Variants in MAP6 observed in about 807,000 individuals in gnomAD.
MAP6 encodes the protein microtubule associated protein 6.
MAP6 carries 26 observed loss-of-function variants against 42.4 expected under a neutral mutation model. The ratio of observed to expected loss-of-function variants is 0.61; its 90% confidence interval spans 0.45 to 0.85. The LOEUF is 0.85. Among genes scored for constraint, MAP6 ranks in the 40% least tolerant of loss-of-function variants. MAP6 has a pLI of 0.00. For missense variants in MAP6, 966 were observed against 1,099.0 expected, an observed-to-expected ratio of 0.88 and a Z score of 1.71; for synonymous variants, 418 against 443.8, an observed-to-expected ratio of 0.94 and a Z score of 0.73.
chr11:75,594,327 C>T (rs1234772227), intron 3 of MAP6: 2 of 152,348 alleles, frequency 1.3e-5, no homozygotes, highest in East Asian at 3.9e-4. Context: ...CTGCTGCCTC[C>T]ATGGGCCCCG....
Position 75,587,054 on chromosome 11 carries a change from G to T in MAP6, c.*5C>A. ...CTCCTTCATTGGTGTGTCAAGGGGT[G>T]AGTGTCAAGGGGAGCTCTCAATGTA... On this transcript the variant is annotated 3_prime_UTR_variant, in exon 4 of 4. Transcript: ENST00000304771. 6.4e-7 allele frequency: 1 copy of T among 1,569,786 alleles called. No homozygotes were observed. The highest frequency in any genetic ancestry group is 8.6e-7 in the Non-Finnish European group (1 of 1,157,176).
intron 1 of MAP6, chr11:75,642,610 C>A (rs1379206794): frequency 1.1e-5 from 2 of 185,286 alleles, no homozygotes; most frequent in Non-Finnish European, 2.3e-5. Context: ...ATGAAGAGAA[C>A]ATCCCATTCA....
chr11:75,636,714 C>A (rs1318271361), intron 1 of MAP6, among the ~76,000 whole-genome samples: 6 of 152,234 alleles, frequency 3.9e-5, no homozygotes, highest in Admixed American at 3.3e-4. Context: ...CTGTGGACAG[C>A]CCCTGTGCCC....
intron 1 of MAP6, among the ~76,000 whole-genome samples, chr11:75,647,645 T>C (rs557954552): frequency 2.0e-5 from 3 of 152,238 alleles, no homozygotes; most frequent in African/African-American, 7.2e-5. Context: ...AGAGACCTTT[T>C]TGAAGAATAT....
At chr11:75,604,333 G>A in intron 3 of MAP6, 1 of 985,670 alleles carries the variant, frequency 1.0e-6, no homozygotes, top group Non-Finnish European at 1.2e-6. Flanking sequence ...AGTTCGTGGA[G>A]GCTCCACTTC....
intron 3 of MAP6, among the ~76,000 whole-genome samples, 170 bp from the exon 4 acceptor site, chr11:75,588,354 G>A (rs928680285): frequency 1.3e-5 from 2 of 151,830 alleles, no homozygotes; most frequent in African/African-American, 4.8e-5. Flanking sequence ...GTGGGCGGGG[G>A]TGAGGGAGGG....
chr11:75,593,398 A>C (rs958580287), intron 3 of MAP6, among the ~76,000 whole-genome samples: 4 of 152,256 alleles, frequency 2.6e-5, no homozygotes, highest in Non-Finnish European at 5.9e-5. Flanking sequence ...CCATGGAGAC[A>C]AGGTAATGCC....
At chr11:75,615,327 G>A (rs1942977916) in intron 1 of MAP6, among the ~76,000 whole-genome samples, 1 of 152,116 alleles carries the variant, frequency 6.6e-6, no homozygotes, top group Non-Finnish European at 1.5e-5. Flanking sequence ...TTGATGTGGG[G>A]GTTAAATAAG....
chr11:75,628,477 C>T (rs568254218), intron 1 of MAP6, among the ~76,000 whole-genome samples: 2 of 152,304 alleles, frequency 1.3e-5, no homozygotes, highest in Non-Finnish European at 2.9e-5. Flanking sequence ...TCCTCCCCGC[C>T]CTTGCTCCCC....
intron 1 of MAP6, among the ~76,000 whole-genome samples, chr11:75,619,070 T>C (rs2135608400): frequency 6.6e-6 from 1 of 152,200 alleles, no homozygotes; most frequent in South Asian, 2.1e-4. Context: ...GGTCCAGGCC[T>C]GGGGCCAAGC....
At chr11:75,610,292 A>G (rs924780528) in intron 1 of MAP6, among the ~76,000 whole-genome samples, 2 of 152,248 alleles carry the variant, frequency 1.3e-5, no homozygotes, top group Non-Finnish European at 1.5e-5. Flanking sequence ...TGTCCCTAGA[A>G]CCAAATCGTC....
intron 2 of MAP6, 141 bp downstream of exon 2, chr11:75,607,968 A>C: frequency 1.4e-6 from 1 of 729,612 alleles, no homozygotes; most frequent in Non-Finnish European, 2.3e-6. Context: ...CCTGGGTCTC[A>C]GTGTGCTTTA....
chr11:75,657,053 T>C (rs1943761476), intron 1 of MAP6, among the ~76,000 whole-genome samples: 1 of 152,210 alleles, frequency 6.6e-6, no homozygotes, highest in Non-Finnish European at 1.5e-5. Context: ...AATATACTTG[T>C]ATCTGGGATC....
chr11:75,649,596 T>C (rs532697760), intron 1 of MAP6, among the ~76,000 whole-genome samples: 2 of 152,150 alleles, frequency 1.3e-5, no homozygotes, highest in African/African-American at 4.8e-5. Context: ...TGGAGTGCAG[T>C]GGTGCAATCT....
intron 3 of MAP6, 51 bp downstream of exon 3, chr11:75,605,757 G>T (rs199883873): frequency 1.2e-5 from 19 of 1,576,244 alleles, no homozygotes; most frequent in Non-Finnish European, 1.5e-5. Flanking sequence ...AAAAAAAGTT[G>T]GGGGGAGGGA....
At chr11:75,603,444 G>A (rs773360052) in intron 3 of MAP6, 3 of 985,804 alleles carry the variant, frequency 3.0e-6, no homozygotes, top group Non-Finnish European at 3.6e-6. Flanking sequence ...TGCCAGTAAA[G>A]TGACACATTC....
At chr11:75,629,214 A>T (rs1429796612) in intron 1 of MAP6, among the ~76,000 whole-genome samples, 3 of 152,062 alleles carry the variant, frequency 2.0e-5, no homozygotes, top group Non-Finnish European at 4.4e-5. Context: ...TAGCCTCCGA[A>T]GTAGCTGGGA....
intron 3 of MAP6, among the ~76,000 whole-genome samples, chr11:75,598,051 A>G (rs1461918360): frequency 6.6e-6 from 1 of 152,232 alleles, no homozygotes; most frequent in Non-Finnish European, 1.5e-5. Flanking sequence ...CCTGGGAATC[A>G]GGTATCCCTT....
At chr11:75,665,914 G>A (rs1943938560) in intron 1 of MAP6, among the ~76,000 whole-genome samples, 2 of 152,290 alleles carry the variant, frequency 1.3e-5, no homozygotes, top group South Asian at 4.1e-4. Flanking sequence ...TCAGGAAGAT[G>A]AGAAATGCAG....
Sources: gnomAD v4.1 joint callset for allele counts (sites outside exome capture counted in the v4.1 genomes callset) on GRCh38, gnomAD v4.1.1 for gene constraint, MANE v1.5 for transcripts, NCBI Gene and HGNC (gene_info 2026-07-23, HGNC 2026-07-21) for gene names.